Variants in DHTKD1 observed in about 807,000 individuals in gnomAD.
DHTKD1 encodes the protein dehydrogenase E1 and transketolase domain containing 1, also known as 2-oxoadipate dehydrogenase complex component E1.
Under a neutral mutation model 101.8 loss-of-function variants are expected in DHTKD1, and 78 were observed. That is an observed-to-expected ratio of 0.77 (90% CI 0.64 to 0.93). The LOEUF (loss-of-function observed/expected upper bound fraction) is 0.93. DHTKD1 is among the 40% of genes least tolerant of loss of function. DHTKD1 has a pLI of 0.00. For missense variants in DHTKD1, 1,223 were observed against 1,161.7 expected (o/e 1.05, Z -0.77); for synonymous variants, 462 against 450.3 (o/e 1.03, Z -0.33).
intron 5 of DHTKD1, among the ~76,000 whole-genome samples, chr10:12,090,047 G>T (rs1832962303): frequency 1.3e-5 from 2 of 151,958 alleles, no homozygotes; most frequent in Non-Finnish European, 1.5e-5. Context: ...TATCAGTGTG[G>T]TTCGTTCTTT....
chr10:12,108,026 C>A lies in DHTKD1; in HGVS notation c.2154+11C>A, dbSNP rs771483975. 6.3e-7 allele frequency: 1 copy of A among 1,596,700 alleles called. No homozygotes were observed. The highest frequency in any genetic ancestry group is 2.2e-5 in the East Asian group (1 of 44,732). ...GAGCGTTTCCTGCAGGTAAGGGTAA[C>A]GTCTTCCGGAGTCAATGAATCATTT... is the stretch of plus-strand genomic sequence containing the variant. On this transcript the variant is annotated intron_variant, in intron 12 of 16. Transcript: ENST00000263035.
intron 6 of DHTKD1, among the ~76,000 whole-genome samples, chr10:12,092,541 C>T (rs923596480): frequency 2.6e-5 from 4 of 151,954 alleles, no homozygotes; most frequent in African/African-American, 4.8e-5. Context: ...CAGTGGCTCA[C>T]GTCTGTAATC....
Position 12,107,066 on chromosome 10 carries a change from G to T in DHTKD1, c.2047+670G>T, listed in dbSNP as rs1300710612. 6.6e-6 allele frequency among the ~76,000 whole-genome samples: 1 copy of T among 151,212 alleles called. No individual in the cohort carries two copies. The highest frequency in any genetic ancestry group is 1.5e-5 in the Non-Finnish European group (1 of 67,878). ...GTGGTGCGATCTCGGCTCACTGCAA[G>T]CTCCGCCTACTGGGTTTGCACGATT... On this transcript the variant is annotated intron_variant, in intron 11 of 16. Transcript: ENST00000263035. The surrounding 1 kb of genome is among the most constrained non-coding windows in gnomAD (Gnocchi z 4.1).
chr10:12,080,200 TGAA>T (rs1368142439), intron 1 of DHTKD1, among the ~76,000 whole-genome samples: 2 of 148,582 alleles, frequency 1.3e-5, no homozygotes, highest in Admixed American at 1.4e-4. Flanking sequence ...CTCAGGAGGC[TGAA>T]GAAGGAGAAT....
At chr10:12,089,638 C>G (rs1414879895) in intron 5 of DHTKD1, among the ~76,000 whole-genome samples, 1 of 151,628 alleles carries the variant, frequency 6.6e-6, no homozygotes, top group African/African-American at 2.4e-5. Context: ...TGTGGTTTTA[C>G]TTCGTTTCTT....
intron 8 of DHTKD1, among the ~76,000 whole-genome samples, chr10:12,099,186 TAAAA>T (rs553524920): frequency 1.4e-5 from 2 of 141,762 alleles, no homozygotes; most frequent in African/African-American, 5.2e-5. Flanking sequence ...AAGAGGAAAT[TAAAA>T]AAAAAAAACC....
chr10:12,111,534 G>A (rs1833330367), intron 12 of DHTKD1, among the ~76,000 whole-genome samples: 1 of 152,204 alleles, frequency 6.6e-6, no homozygotes, highest in African/African-American at 2.4e-5. Flanking sequence ...GACAAGAAGA[G>A]AATGGTGATG....
chr10:12,081,414 T>A, intron 1 of DHTKD1, 58 bp from the exon 2 acceptor site: 1 of 1,444,040 alleles, frequency 6.9e-7, no homozygotes, highest in South Asian at 1.2e-5. Context: ...AATCTGATTT[T>A]TGTGATTTGT....
At chr10:12,081,429 A>T (rs1832814539) in intron 1 of DHTKD1, 43 bp from the exon 2 acceptor site, 1 of 1,559,524 alleles carries the variant, frequency 6.4e-7, no homozygotes, top group Non-Finnish European at 8.8e-7. Context: ...ATTTGTAGTC[A>T]TCTCCTAAAC....
intron 7 of DHTKD1, among the ~76,000 whole-genome samples, chr10:12,095,745 G>A (rs1469513622): frequency 2.7e-5 from 4 of 146,234 alleles, no homozygotes; most frequent in African/African-American, 5.0e-5. Context: ...CCCGGGAGGC[G>A]GAGCTTGCAG....
intron 14 of DHTKD1, among the ~76,000 whole-genome samples, chr10:12,118,112 A>T (rs112694789): frequency 6.6e-6 from 1 of 150,944 alleles, no homozygotes; most frequent in Non-Finnish European, 1.5e-5. Flanking sequence ...CTGGTCTCGA[A>T]CTCCTGACCT....
chr10:12,081,583 T>A lies in DHTKD1; in HGVS notation c.266T>A (p.Ile89Asn). ...GQALLENVPEIQALVQTLQGP... is the reference protein window; with the variant it reads ...GQALLENVPENQALVQTLQGP... ...GCCCTGCTGGAGAATGTGCCTGAAA[T>A]CCAAGCCCTGGTGCAGACACTGCAG... Residue 89 changes from isoleucine (I) to asparagine (N), a missense_variant, in exon 2 of 17, where the codon ATC (isoleucine) becomes AAC (asparagine). Physicochemically the swap from Ile to Asn is moderately radical, Grantham distance 149. Coordinates refer to ENST00000263035, the MANE Select transcript of DHTKD1 (RefSeq NM_018706.7). 2 of 1,614,150 alleles carry A rather than the reference T, an allele frequency of 1.2e-6. No homozygotes were observed. The highest frequency in any genetic ancestry group is 1.7e-6 in the Non-Finnish European group (2 of 1,180,042).
At chr10:12,084,974 C>T (rs1042422370) in intron 3 of DHTKD1, among the ~76,000 whole-genome samples, 1 of 152,012 alleles carries the variant, frequency 6.6e-6, no homozygotes, top group African/African-American at 2.4e-5. Context: ...TTGCTTGAAC[C>T]CAGGAGGCAG....
intron 1 of DHTKD1, among the ~76,000 whole-genome samples, chr10:12,080,601 C>T (rs986096900): frequency 2.0e-5 from 3 of 151,378 alleles, no homozygotes; most frequent in Non-Finnish European, 4.4e-5. Flanking sequence ...GTCCCAGTTA[C>T]TCGGGAGGTT....
intron 2 of DHTKD1, among the ~76,000 whole-genome samples, chr10:12,082,667 A>G (rs778166192): frequency 6.7e-6 from 1 of 149,892 alleles, no homozygotes; most frequent in South Asian, 2.1e-4. Flanking sequence ...GAGCCTCTGC[A>G]GAAAGATTTG....
intron 5 of DHTKD1, among the ~76,000 whole-genome samples, chr10:12,090,488 C>G (rs570108318): frequency 7.0e-4 from 98 of 139,270 alleles, no homozygotes; most frequent in Non-Finnish European, 1.3e-3. Flanking sequence ...TCTTCTTTCT[C>G]TCTCTTTCTT....
At position 12,081,975 on chromosome 10, in the gene DHTKD1, A is replaced by AT. The variant is rs746318510; in HGVS notation, c.310+348_310+349insT. Among the ~76,000 whole-genome samples, 109 of 149,350 alleles carry AT rather than the reference A, an allele frequency of 7.3e-4. 1 individual carries two copies. The highest frequency in any genetic ancestry group is 6.9e-3 in the Middle Eastern group (2 of 290). On this transcript the variant is annotated intron_variant, in intron 2 of 16. Transcript: ENST00000263035. ...ACTGTCTCTACAAAAAAAAAAAAAA[A>AT]AAATAACTGGGCATGGTGGTGCACG...
At position 12,121,567 on chromosome 10, in the gene DHTKD1, C is replaced by G. The variant is rs1290697858; in HGVS notation, c.*679C>G. On this transcript the variant is annotated 3_prime_UTR_variant, in exon 17 of 17. Transcript: ENST00000263035. ...CTGAGGTCAGGAGTTCAAGACCAGC[C>G]TGGTCAACGTGGTGAAACGCCGTTT... 6.6e-6 allele frequency: 1 copy of G among 152,326 alleles called. No homozygotes were observed. The highest frequency in any genetic ancestry group is 1.5e-5 in the Non-Finnish European group (1 of 68,158). 9.4% of individuals were successfully genotyped at this position (152,326 alleles called of 1,614,324 possible).
chr10:12,081,768 G>A (rs1043449463), intron 2 of DHTKD1, 141 bp downstream of exon 2: 12 of 844,518 alleles, frequency 1.4e-5, no homozygotes, highest in South Asian at 3.5e-5. Context: ...GTTGAAGTAC[G>A]GTCCGGGAGG....
Sources: gnomAD v4.1 joint callset for allele counts (sites outside exome capture counted in the v4.1 genomes callset) on GRCh38, gnomAD v4.1.1 for gene constraint, Gnocchi (gnomAD v3.1) non-coding constraint, MANE v1.5 for transcripts, NCBI Gene and HGNC (gene_info 2026-07-23, HGNC 2026-07-21) for gene names.